The following CSMD1 variants were observed in gnomAD, a reference collection of about 807,000 sequenced individuals.
CSMD1 encodes the protein CUB and Sushi multiple domains 1.
In CSMD1, 213 loss-of-function variants were observed where a neutral mutation model predicts 417.5. The observed-to-expected ratio is 0.51, with a 90% CI of 0.46 to 0.57. The LOEUF is 0.57. CSMD1 is among the 20% of genes least tolerant of loss of function. The pLI, the probability that CSMD1 is intolerant of heterozygous loss-of-function variation, is 0.00. For missense variants in CSMD1, 6,923 were observed against 4,529.7 expected (o/e 1.53, Z -15.17); for synonymous variants, 2,862 against 1,736.8 (o/e 1.65, Z -16.11).
At chr8:4,674,749 G>A (rs543697157) in intron 1 of CSMD1, among the ~76,000 whole-genome samples, 4 of 152,278 alleles carry the variant, frequency 2.6e-5, no homozygotes, top group Admixed American at 2.6e-4. Flanking sequence ...AAGGTTTCCT[G>A]GCCTAGAGTA....
chr8:4,920,944 A>C (rs60732133), intron 1 of CSMD1, among the ~76,000 whole-genome samples: 3 of 7,820 alleles, frequency 3.8e-4, no homozygotes, highest in African/African-American at 6.9e-4. Flanking sequence ...GAAAGAAAGA[A>C]AGAAAGAAAG....
Position 4,267,892 on chromosome 8 carries a change from CTG to C in CSMD1, c.415+152059_415+152060del, listed in dbSNP as rs1406352371. Among the ~76,000 whole-genome samples, 12 of 152,108 alleles carry C rather than the reference CTG, an allele frequency of 7.9e-5. No homozygotes were observed. The South Asian group carries it at 1.9e-3, about 24-fold the overall frequency. ...CTTGTGATTAAATTTTTTTTAAACA[CTG>C]TAATGACTGAAATAAAATAGGACTC... On this transcript the variant is annotated intron_variant, in intron 3 of 69. Transcript: ENST00000635120.
chr8:4,619,093 T>C (rs892259776), intron 2 of CSMD1, among the ~76,000 whole-genome samples: 2 of 152,148 alleles, frequency 1.3e-5, no homozygotes, highest in Non-Finnish European at 2.9e-5. Context: ...TATTAAATAA[T>C]AAATATCCTG....
rs114700833 is a variant in CSMD1, at chr8:4,142,293, G to A, written c.416-110194C>T. 3.7e-3 allele frequency among the ~76,000 whole-genome samples: 559 copies of A among 151,120 alleles called. 43 individuals carry two copies. Among genetic ancestry groups the A allele is most frequent in the African/African-American group, 0.011 (462 of 40,520 alleles). ...CTCTTGGTATAAGGTAATGTTTCAT[G>A]CTCCCAAAGATTTGCTATCTTTATC... On this transcript the variant is annotated intron_variant, in intron 3 of 69. Coordinates refer to ENST00000635120, the MANE Select transcript of CSMD1 (RefSeq NM_033225.6).
chr8:3,296,771 A>T (rs1326470591), intron 25 of CSMD1, among the ~76,000 whole-genome samples: 2 of 152,126 alleles, frequency 1.3e-5, no homozygotes, highest in Non-Finnish European at 2.9e-5. Flanking sequence ...AAACTGGAAA[A>T]GTGGAGTTGT....
At chr8:4,034,265 T>C (rs1400959978) in intron 3 of CSMD1, among the ~76,000 whole-genome samples, 2 of 152,190 alleles carry the variant, frequency 1.3e-5, no homozygotes, top group African/African-American at 4.8e-5. Context: ...ATTTAGGAAA[T>C]AAATACTAGT....
chr8:4,584,247 G>A (rs1799589714), intron 2 of CSMD1, among the ~76,000 whole-genome samples: 1 of 151,916 alleles, frequency 6.6e-6, no homozygotes, highest in Admixed American at 6.6e-5. Context: ...ACACATTTTG[G>A]CGACCACGAA....
chr8:4,810,547 G>T (rs537023866), intron 1 of CSMD1, among the ~76,000 whole-genome samples: 3 of 152,138 alleles, frequency 2.0e-5, no homozygotes, highest in Admixed American at 1.3e-4. Flanking sequence ...GTGTGCGCAC[G>T]CGCGTATGTG....
intron 5 of CSMD1, among the ~76,000 whole-genome samples, chr8:3,758,695 T>C (rs1026158663): frequency 2.3e-4 from 35 of 152,160 alleles, no homozygotes; most frequent in Non-Finnish European, 7.3e-5. Context: ...ACTGAATGGC[T>C]TTGTGGGAGG....
At chr8:4,668,445 T>C (rs1207548142) in intron 1 of CSMD1, among the ~76,000 whole-genome samples, 1 of 146,304 alleles carries the variant, frequency 6.8e-6, no homozygotes, top group African/African-American at 2.5e-5. Flanking sequence ...TTATTATTAT[T>C]ATTATTATTA....
intron 1 of CSMD1, among the ~76,000 whole-genome samples, chr8:4,689,587 C>T (rs1047549203): frequency 2.0e-5 from 3 of 152,128 alleles, no homozygotes; most frequent in South Asian, 2.1e-4. Flanking sequence ...AGCTGAATAA[C>T]ACAGTTCAGT....
intron 3 of CSMD1, among the ~76,000 whole-genome samples, chr8:4,055,261 G>C (rs535219766): frequency 6.6e-6 from 1 of 152,068 alleles, no homozygotes; most frequent in Non-Finnish European, 1.5e-5. Context: ...AATGAATTCA[G>C]GTTAAACAAT....
chr8:4,101,742 A>G (rs1338308817), intron 3 of CSMD1, among the ~76,000 whole-genome samples: 2 of 152,242 alleles, frequency 1.3e-5, no homozygotes, highest in African/African-American at 2.4e-5. Flanking sequence ...AACTGGGCCA[A>G]TGATAAGTGA....
chr8:3,736,427 T>C (rs1050612051), intron 6 of CSMD1, among the ~76,000 whole-genome samples: 5 of 151,788 alleles, frequency 3.3e-5, no homozygotes, highest in Non-Finnish European at 7.4e-5. Context: ...AAAAAAAATG[T>C]AGCAATGTGG....
chr8:4,143,552 G>C (rs202037377), intron 3 of CSMD1, among the ~76,000 whole-genome samples: 2 of 150,734 alleles, frequency 1.3e-5, no homozygotes, highest in African/African-American at 5.0e-5. Flanking sequence ...TTGTATACTT[G>C]TAAGGCTTAG....
At chr8:3,014,571 C>T (rs545099371) in intron 52 of CSMD1, among the ~76,000 whole-genome samples, 85 of 152,232 alleles carry the variant, frequency 5.6e-4, no homozygotes, top group Non-Finnish European at 1.0e-3. Flanking sequence ...GGAGACACAA[C>T]TTCATTGAGA....
At chr8:3,889,457 A>ATATATATG (rs1806796904) in intron 5 of CSMD1, among the ~76,000 whole-genome samples, 2 of 48,262 alleles carry the variant, frequency 4.1e-5, no homozygotes, top group East Asian at 1.3e-3. Flanking sequence ...CTTTCCATAT[A>ATATATATG]TATATATATA....
intron 7 of CSMD1, among the ~76,000 whole-genome samples, chr8:3,697,579 T>A (rs191037803): frequency 6.4e-4 from 98 of 152,330 alleles, no homozygotes; most frequent in Non-Finnish European, 1.1e-3. Context: ...GTAAGATGAT[T>A]TTATTACAAG....
intron 12 of CSMD1, among the ~76,000 whole-genome samples, chr8:3,443,942 A>G (rs2117073443): frequency 1.3e-5 from 2 of 152,300 alleles, no homozygotes; most frequent in South Asian, 4.1e-4. Context: ...CCTTTATCAG[A>G]GTTACTGAGA....
Sources: allele counts gnomAD v4.1 joint callset (sites outside exome capture counted in the v4.1 genomes callset), GRCh38; gene constraint gnomAD v4.1.1; transcripts MANE v1.5; gene names NCBI Gene and HGNC (gene_info 2026-07-23, HGNC 2026-07-21).